The following PTPRD variants were observed in gnomAD, a reference collection of about 807,000 sequenced individuals.
PTPRD encodes the protein receptor-type tyrosine-protein phosphatase delta.
PTPRD carries 34 observed loss-of-function variants against 214.5 expected under a neutral mutation model. That is an observed-to-expected ratio of 0.16 (90% confidence interval 0.12 to 0.21). The LOEUF is 0.21. Ranked by LOEUF, PTPRD falls within the 10% of genes least tolerant of loss-of-function variation. The probability of loss-of-function intolerance (pLI) is 1.00; values close to 1 mark genes in which losing one functional copy is unlikely to be tolerated. For missense variants in PTPRD, 2,545 were observed against 2,398.7 expected (o/e 1.06, Z -1.27); for synonymous variants, 1,128 against 845.7 (o/e 1.33, Z -5.79).
chr9:8,439,552 G>C (rs977487964), intron 34 of PTPRD, among the ~76,000 whole-genome samples: 9 of 152,156 alleles, frequency 5.9e-5, no homozygotes, highest in African/African-American at 2.2e-4. Context: ...TAGCCAAAAT[G>C]TATACACAGT....
At chr9:10,371,763 G>A (rs1400915288) in intron 2 of PTPRD, among the ~76,000 whole-genome samples, 1 of 152,034 alleles carries the variant, frequency 6.6e-6, no homozygotes, top group Non-Finnish European at 1.5e-5. Flanking sequence ...TTAGAAAGTT[G>A]GCTGAGCATA....
At chr9:10,588,520 C>T (rs2074544477) in intron 2 of PTPRD, among the ~76,000 whole-genome samples, 1 of 151,506 alleles carries the variant, frequency 6.6e-6, no homozygotes, top group South Asian at 2.1e-4. Flanking sequence ...AAATAAATGG[C>T]CCAGCCATGG....
At chr9:9,562,528 A>T (rs2083250289) in intron 8 of PTPRD, among the ~76,000 whole-genome samples, 1 of 152,062 alleles carries the variant, frequency 6.6e-6, no homozygotes, top group Non-Finnish European at 1.5e-5. Context: ...ACCTGCCTTC[A>T]ACCCCACCTC....
chr9:9,265,462 T>C (rs962672780), intron 9 of PTPRD, among the ~76,000 whole-genome samples: 1 of 151,490 alleles, frequency 6.6e-6, no homozygotes, highest in African/African-American at 2.4e-5. Context: ...TCTTGCTGTG[T>C]TGCCCAGGCT....
At chr9:8,566,628 G>A (rs184019217) in intron 14 of PTPRD, among the ~76,000 whole-genome samples, 4 of 152,258 alleles carry the variant, frequency 2.6e-5, no homozygotes, top group East Asian at 1.9e-4. Context: ...CTTGAGGGCA[G>A]GATTATCCAA....
chr9:9,947,355 T>A (rs10816259), intron 4 of PTPRD, among the ~76,000 whole-genome samples: 1,042 of 33,632 alleles, frequency 0.031, 12 homozygotes, highest in East Asian at 0.19. Flanking sequence ...TAATATATAT[T>A]ATATATATTA....
chr9:9,219,851 T>C lies in PTPRD; in HGVS notation c.-202-36488A>G, dbSNP rs536352116. On this transcript the variant is annotated intron_variant, in intron 9 of 45. Coordinates refer to ENST00000381196, the MANE Select transcript of PTPRD (RefSeq NM_002839.4). The stretch of plus-strand genomic sequence containing the variant: ...CAGTTTTGCAATTCTCTGCAGGAAA[T>C]GGGCATCTGCCCCAATTTCAGCAAA... Among the ~76,000 whole-genome samples, 20 of 152,302 alleles carry C rather than the reference T, an allele frequency of 1.3e-4. No individual in the cohort carries two copies. The South Asian group carries it at 3.9e-3, about 30-fold the overall frequency.
At chr9:10,328,026 G>A (rs1379344279) in intron 3 of PTPRD, among the ~76,000 whole-genome samples, 2 of 151,666 alleles carry the variant, frequency 1.3e-5, no homozygotes, top group Non-Finnish European at 3.0e-5. Context: ...ATTTCATGTT[G>A]TAAGCTTCCT....
intron 7 of PTPRD, among the ~76,000 whole-genome samples, chr9:9,705,971 T>C (rs1470786356): frequency 6.6e-6 from 1 of 152,136 alleles, no homozygotes; most frequent in African/African-American, 2.4e-5. Flanking sequence ...CCTGGGCCAA[T>C]TAATGGCTTT....
intron 6 of PTPRD, among the ~76,000 whole-genome samples, chr9:9,752,696 T>C (rs1206803325): frequency 1.3e-5 from 2 of 151,950 alleles, no homozygotes; most frequent in Non-Finnish European, 2.9e-5. Context: ...GGAGATGCAG[T>C]GGGGACGGAG....
At chr9:9,942,309 A>T (rs2091674426) in intron 4 of PTPRD, among the ~76,000 whole-genome samples, 1 of 152,196 alleles carries the variant, frequency 6.6e-6, no homozygotes, top group African/African-American at 2.4e-5. Context: ...TGGGCATTAT[A>T]TCAGTAAATA....
chr9:9,273,193 G>T (rs1024135916), intron 9 of PTPRD, among the ~76,000 whole-genome samples: 3 of 151,232 alleles, frequency 2.0e-5, no homozygotes, highest in African/African-American at 7.3e-5. Flanking sequence ...TGGCAAAAAT[G>T]ATTTCCAAGT....
At chr9:9,406,337 G>T (rs1434195095) in intron 8 of PTPRD, among the ~76,000 whole-genome samples, 1 of 151,902 alleles carries the variant, frequency 6.6e-6, no homozygotes, top group African/African-American at 2.4e-5. Flanking sequence ...TAAGCTTGAA[G>T]TAAACACTAA....
At chr9:10,136,202 T>C (rs962618897) in intron 3 of PTPRD, among the ~76,000 whole-genome samples, 1 of 152,030 alleles carries the variant, frequency 6.6e-6, no homozygotes, top group Non-Finnish European at 1.5e-5. Flanking sequence ...TAAATACATA[T>C]GCAATGCAAC....
intron 11 of PTPRD, among the ~76,000 whole-genome samples, chr9:8,765,369 G>C (rs2154479627): frequency 6.6e-6 from 1 of 152,290 alleles, no homozygotes; most frequent in Non-Finnish European, 1.5e-5. Flanking sequence ...CTTCCCTCTT[G>C]GGTGCAATCT....
At chr9:8,525,217 A>ATTT in intron 17 of PTPRD, 182 bp from the exon 18 acceptor site, 1 of 621,296 alleles carries the variant, frequency 1.6e-6, no homozygotes, top group South Asian at 1.7e-5. Flanking sequence ...TATAGAGATT[A>ATTT]TTTTTTTTTT....
chr9:8,342,114 G>A (rs1384646252), intron 39 of PTPRD, 136 bp from the exon 40 acceptor site: 1 of 901,476 alleles, frequency 1.1e-6, no homozygotes, highest in African/African-American at 1.7e-5. Context: ...GGATGACTTT[G>A]TAATACTCTA....
At chr9:9,739,166 T>C (rs187419912) in intron 6 of PTPRD, among the ~76,000 whole-genome samples, 2 of 152,208 alleles carry the variant, frequency 1.3e-5, no homozygotes, top group Non-Finnish European at 2.9e-5. Flanking sequence ...TTCACGTGTA[T>C]ATGCACGTAT....
At chr9:9,043,377 G>A (rs1318239121) in intron 10 of PTPRD, among the ~76,000 whole-genome samples, 1 of 152,120 alleles carries the variant, frequency 6.6e-6, no homozygotes, top group African/African-American at 2.4e-5. Flanking sequence ...CCTGTAGATA[G>A]GTGTCACCAT....
Sources: gnomAD v4.1 joint callset for allele counts (sites outside exome capture counted in the v4.1 genomes callset) on GRCh38, gnomAD v4.1.1 for gene constraint, MANE v1.5 for transcripts, NCBI Gene and HGNC (gene_info 2026-07-23, HGNC 2026-07-21) for gene names.